The following PPP3R1 variants were observed in gnomAD, a reference collection of about 807,000 sequenced individuals.
The protein encoded by PPP3R1 is protein phosphatase 3 regulatory subunit B, alpha.
PPP3R1 carries 5 observed loss-of-function variants against 22.6 expected under a neutral mutation model. The ratio of observed to expected loss-of-function variants is 0.22; its 90% CI spans 0.12 to 0.46. The LOEUF (loss-of-function observed/expected upper bound fraction) is 0.46, where lower values mean the gene tolerates loss of function less well. Ranked by LOEUF, PPP3R1 falls within the 20% of genes least tolerant of loss-of-function variation. PPP3R1 has a pLI of 0.99. For missense variants in PPP3R1, 61 were observed against 203.2 expected (o/e 0.30, Z 4.25); for synonymous variants, 56 against 65.2 (o/e 0.86, Z 0.68).
At chr2:68,229,678 T>C (rs1474988427) in intron 1 of PPP3R1, among the ~76,000 whole-genome samples, 3 of 152,312 alleles carry the variant, frequency 2.0e-5, no homozygotes, top group Non-Finnish European at 2.9e-5. Flanking sequence ...TTATGAGGTC[T>C]ACTTTATCTA....
intron 2 of PPP3R1, among the ~76,000 whole-genome samples, chr2:68,212,105 A>C (rs2861816): frequency 6.6e-6 from 1 of 152,046 alleles, no homozygotes; most frequent in African/African-American, 2.4e-5. Flanking sequence ...TTTGGAGACA[A>C]GGTCTCGCTC....
At chr2:68,225,907 A>C (rs1572970122) in intron 1 of PPP3R1, among the ~76,000 whole-genome samples, 1 of 152,222 alleles carries the variant, frequency 6.6e-6, no homozygotes, top group East Asian at 1.9e-4. Flanking sequence ...ATTCAGCTTT[A>C]TTCTTAATAG....
chr2:68,195,472 A>T (rs1039942738), intron 2 of PPP3R1, among the ~76,000 whole-genome samples: 3 of 152,010 alleles, frequency 2.0e-5, no homozygotes, highest in African/African-American at 7.3e-5. Flanking sequence ...CTCCACTATA[A>T]ATCTACCATC....
chr2:68,242,897 C>T (rs1670161335), intron 1 of PPP3R1, among the ~76,000 whole-genome samples: 1 of 152,200 alleles, frequency 6.6e-6, no homozygotes, highest in Admixed American at 6.5e-5. Context: ...TGCTATGCTT[C>T]ATTCTATTGT....
chr2:68,224,537 G>A (rs1271925643), intron 1 of PPP3R1, among the ~76,000 whole-genome samples: 2 of 151,958 alleles, frequency 1.3e-5, no homozygotes, highest in East Asian at 1.9e-4. Context: ...GGTGGCAGGC[G>A]CCTGCAATCC....
chr2:68,189,888 T>A (rs1674624408), intron 2 of PPP3R1, among the ~76,000 whole-genome samples: 1 of 151,506 alleles, frequency 6.6e-6, no homozygotes, highest in Non-Finnish European at 1.5e-5. Flanking sequence ...AAAATAAAAA[T>A]AAATTAAATA....
chr2:68,186,293 G>A (rs868630931), intron 5 of PPP3R1, among the ~76,000 whole-genome samples, 175 bp downstream of exon 5: 1 of 90,086 alleles, frequency 1.1e-5, no homozygotes, highest in Non-Finnish European at 2.0e-5. Flanking sequence ...AGTATCCTTG[G>A]GAATAATAAT....
chr2:68,216,403 C>CT (rs1474117162), intron 2 of PPP3R1, among the ~76,000 whole-genome samples: 1 of 151,938 alleles, frequency 6.6e-6, no homozygotes, highest in Non-Finnish European at 1.5e-5. Flanking sequence ...AGAATCACCC[C>CT]TACCCCTCCC....
intron 1 of PPP3R1, among the ~76,000 whole-genome samples, chr2:68,224,526 T>C (rs1013196405): frequency 2.0e-5 from 3 of 151,834 alleles, no homozygotes; most frequent in Non-Finnish European, 2.9e-5. Context: ...TAGCCGGGCG[T>C]GGTGGCAGGC....
intron 2 of PPP3R1, among the ~76,000 whole-genome samples, chr2:68,210,289 T>A (rs1484186598): frequency 6.6e-6 from 1 of 152,226 alleles, no homozygotes; most frequent in African/African-American, 2.4e-5. Flanking sequence ...CTGGGTCATC[T>A]TAACTGGTCC....
At chr2:68,203,543 G>C (rs1675031339) in intron 2 of PPP3R1, among the ~76,000 whole-genome samples, 1 of 151,882 alleles carries the variant, frequency 6.6e-6, no homozygotes, top group Non-Finnish European at 1.5e-5. Flanking sequence ...AGAGGTTGCA[G>C]TGTGCCGAGA....
chr2:68,212,550 G>T (rs542577835), intron 2 of PPP3R1, among the ~76,000 whole-genome samples: 1 of 152,204 alleles, frequency 6.6e-6, no homozygotes, highest in Admixed American at 6.5e-5. Context: ...GCATGAAAAC[G>T]TTACTCTCTA....
intron 2 of PPP3R1, among the ~76,000 whole-genome samples, chr2:68,202,792 A>ATTTTTTTTTTTTTTTTTTTTTTTTT (rs71395958): frequency 1.2e-5 from 1 of 81,228 alleles, no homozygotes; most frequent in African/African-American, 6.2e-5. Flanking sequence ...AGTTCAGGGA[A>ATTTTTTTTTTTTTTTTTTTTTTTTT]TTTTTTTTTT....
chr2:68,204,324 T>TAC lies in PPP3R1; in HGVS notation c.43+12766_43+12767dup, dbSNP rs569223565. On this transcript the variant is annotated intron_variant, in intron 2 of 5. Transcript: ENST00000234310. ...GAATTGAATGACATATACATATATA[T>TAC]ACACACACACACTATATATATATAT... Among the ~76,000 whole-genome samples, 359 of 80,166 alleles carry TAC rather than the reference T, an allele frequency of 4.5e-3. 3 individuals are homozygous for TAC. Among genetic ancestry groups the TAC allele is most frequent in the African/African-American group, 0.021 (344 of 16,752 alleles). 52.6% of individuals were successfully genotyped at this position (80,166 alleles called of 152,430 possible). A position where few individuals can be genotyped will look rare whatever the true frequency, so the allele number is the denominator to read the frequency against.
intron 2 of PPP3R1, among the ~76,000 whole-genome samples, chr2:68,211,233 T>A: frequency 6.6e-6 from 1 of 151,818 alleles, no homozygotes. Flanking sequence ...AATGAAACCC[T>A]GTCTCTACTA....
intron 1 of PPP3R1, among the ~76,000 whole-genome samples, chr2:68,229,973 T>TACACACACACACACACACACACAC (rs201152385): frequency 6.2e-4 from 89 of 143,238 alleles, no homozygotes; most frequent in East Asian, 1.0e-3. Flanking sequence ...TATACACACA[T>TACACACACACACACACACACACAC]ACACACACAC....
At chr2:68,227,272 A>T (rs183706597) in intron 1 of PPP3R1, among the ~76,000 whole-genome samples, 2,181 of 152,132 alleles carry the variant, frequency 0.014, 56 homozygotes, top group African/African-American at 0.05. Flanking sequence ...ATATTTTTTA[A>T]AAATGTTGAA....
chr2:68,202,424 GTTGTTGTTGTTGTTT>G (rs1485080283), intron 2 of PPP3R1, among the ~76,000 whole-genome samples: 9 of 144,738 alleles, frequency 6.2e-5, no homozygotes, highest in Non-Finnish European at 1.2e-4. Flanking sequence ...TGTTGTTGTT[GTTGTTGTTGTTGTTT>G]TTTGAGATGG....
At chr2:68,216,064 G>A (rs1161805825) in intron 2 of PPP3R1, among the ~76,000 whole-genome samples, 2 of 152,042 alleles carry the variant, frequency 1.3e-5, no homozygotes, top group Admixed American at 6.6e-5. Context: ...GAAAACCATA[G>A]AGGGACGATC....
Sources: allele counts gnomAD v4.1 joint callset (sites outside exome capture counted in the v4.1 genomes callset), GRCh38; gene constraint gnomAD v4.1.1; transcripts MANE v1.5; gene names NCBI Gene and HGNC (gene_info 2026-07-23, HGNC 2026-07-21).